OTOF: variants seen among roughly 807,000 people sequenced by gnomAD.
The protein encoded by OTOF is otoferlin.
A neutral mutation model predicts 236.8 loss-of-function variants in OTOF; 218 were observed. That is an observed-to-expected ratio of 0.92 (90% CI 0.82 to 1.03). The LOEUF (loss-of-function observed/expected upper bound fraction) is 1.03. Ranked by LOEUF, OTOF falls within the 50% of genes least tolerant of loss-of-function variation. OTOF has a pLI of 0.00. For synonymous variants in OTOF, 1,041 were observed against 1,072.5 expected (o/e 0.97, Z 0.57); for missense variants, 2,590 against 2,694.4 (o/e 0.96, Z 0.86).
At chr2:26,484,847 A>G (rs1665663719) in intron 11 of OTOF, among the ~76,000 whole-genome samples, 1 of 152,046 alleles carries the variant, frequency 6.6e-6, no homozygotes, top group South Asian at 2.1e-4. Flanking sequence ...CTGCCCATGG[A>G]CATATATCCC....
At chr2:26,509,227 C>G (rs1479101012) in intron 5 of OTOF, among the ~76,000 whole-genome samples, 1 of 152,198 alleles carries the variant, frequency 6.6e-6, no homozygotes, top group East Asian at 1.9e-4. Context: ...CCCTTTACAT[C>G]TAAGCATCTA....
At chr2:26,522,475 C>G (rs1666700373) in intron 3 of OTOF, among the ~76,000 whole-genome samples, 1 of 152,186 alleles carries the variant, frequency 6.6e-6, no homozygotes, top group South Asian at 2.1e-4. Context: ...GCCCCTGGCT[C>G]TGGCCCTTGT....
At chr2:26,552,256 G>T (rs1233325984) in intron 1 of OTOF, among the ~76,000 whole-genome samples, 1 of 152,126 alleles carries the variant, frequency 6.6e-6, no homozygotes, top group Non-Finnish European at 1.5e-5. Context: ...TGAGCATGGT[G>T]GTGCGTGCCT....
In OTOF at chr2:26,470,182, C is replaced by T. The variant is rs575490702; in HGVS notation, c.4023+411G>A. ...TCCACAAAGGTCACCTCCTCTGAGA[C>T]GCCTTCCCTGATTCCCCCAAGCCAT... On this transcript the variant is annotated intron_variant, in intron 32 of 46. Transcript: ENST00000272371. This position sits in a 1 kb window ranked among gnomAD's most constrained non-coding sequence, Gnocchi z 4.3. Among the ~76,000 whole-genome samples the T allele has an allele frequency of 2.0e-5, 3 of 152,292 alleles. No homozygotes were observed. Among genetic ancestry groups the T allele is most frequent in the South Asian group, 2.1e-4 (1 of 4,828 alleles).
intron 1 of OTOF, among the ~76,000 whole-genome samples, chr2:26,540,390 C>T (rs777030661): frequency 3.9e-5 from 6 of 152,186 alleles, no homozygotes; most frequent in Admixed American, 6.5e-5. Context: ...TACAGAAAAC[C>T]TGGGAGCCCG....
At chr2:26,514,995 C>T (rs753372721) in intron 5 of OTOF, among the ~76,000 whole-genome samples, 12 of 152,202 alleles carry the variant, frequency 7.9e-5, no homozygotes, top group Non-Finnish European at 1.5e-4. Flanking sequence ...ATTTCCAACC[C>T]GATTCCTGAC....
chr2:26,476,789 G>C, intron 22 of OTOF, 102 bp downstream of exon 22: 1 of 1,025,224 alleles, frequency 9.8e-7, no homozygotes, highest in Non-Finnish European at 1.5e-6. Context: ...AGCACCTGCT[G>C]CTTGAAGGCC....
At chr2:26,543,905 G>T (rs1185037296) in intron 1 of OTOF, among the ~76,000 whole-genome samples, 1 of 152,142 alleles carries the variant, frequency 6.6e-6, no homozygotes, top group Non-Finnish European at 1.5e-5. Flanking sequence ...TTTTTAGAGA[G>T]ACAGGGTTTC....
chr2:26,483,729 C>T (rs1665627939), intron 12 of OTOF, 81 bp from the exon 13 acceptor site: 2 of 1,277,488 alleles, frequency 1.6e-6, no homozygotes, highest in African/African-American at 1.5e-5. Context: ...ACTCCTGGGT[C>T]CTGGCACAGT....
In OTOF at chr2:26,463,505, T is replaced by G; in HGVS notation, c.5170A>C (p.Ile1724Leu). 1.2e-6 allele frequency: 2 copies of G among 1,607,518 alleles called. No homozygotes were observed. Among genetic ancestry groups the G allele is most frequent in the Non-Finnish European group, 1.7e-6 (2 of 1,177,336 alleles). ...DMPAPGTPLD[I>L]SPRKPKKYEL... ...CACTTCTTGGGCTTCCGAGGTGAGA[T>G]GTCCAGAGGCGTCCCAGGGGCTGGC... The change falls in exon 41 of 47, where the codon ATC becomes CTC. Residue 1724 changes from isoleucine (I) to leucine (L), a missense_variant. Transcript: ENST00000272371.
Position 26,513,801 on chromosome 2 carries a change from T to A in OTOF, c.509+2617A>T, listed in dbSNP as rs77176416. On this transcript the variant is annotated intron_variant, in intron 5 of 46. Coordinates refer to ENST00000272371, the MANE Select transcript of OTOF (RefSeq NM_194248.3). ...GGCACTGACACCCCTTCCCCGGTGTTGTCCTCTTTAAGGAGTAGGTGTTTT... is the reference window on the plus strand; with the variant it reads ...GGCACTGACACCCCTTCCCCGGTGTAGTCCTCTTTAAGGAGTAGGTGTTTT... Among the ~76,000 whole-genome samples the A allele has an allele frequency of 1.9e-3, 289 of 152,328 alleles. 8 individuals are homozygous for A. In the East Asian group the frequency reaches 0.046, roughly 24 times the overall value.
intron 11 of OTOF, among the ~76,000 whole-genome samples, 166 bp from the exon 12 acceptor site, chr2:26,484,799 T>C (rs1305475477): frequency 2.6e-5 from 4 of 151,874 alleles, no homozygotes; most frequent in Non-Finnish European, 5.9e-5. Flanking sequence ...TGTGATAGAG[T>C]CTGAGGTCCT....
At position 26,470,546 on chromosome 2, in the gene OTOF, C is replaced by A; in HGVS notation, c.4023+47G>T. The A allele has an allele frequency of 6.3e-7, 1 of 1,590,670 alleles. No homozygotes were observed. Among genetic ancestry groups the A allele is most frequent in the South Asian group, 1.1e-5 (1 of 90,592 alleles). On this transcript the variant is annotated intron_variant, in intron 32 of 46. Coordinates refer to ENST00000272371, the MANE Select transcript of OTOF (RefSeq NM_194248.3). The surrounding 1 kb of genome is among the most constrained non-coding windows in gnomAD (Gnocchi z 4.3). The stretch of plus-strand genomic sequence containing the variant: ...TGGGAAAGAAGCTGGACAGGAGGGT[C>A]TGAGTGTGGAGGGGGTCACCTCCCC...
At position 26,460,953 on chromosome 2, in the gene OTOF, C is replaced by G; in HGVS notation, c.5611G>C (p.Gly1871Arg). 6.2e-7 allele frequency: 1 copy of G among 1,613,946 alleles called. No individual in the cohort carries two copies. The highest frequency in any genetic ancestry group is 1.1e-5 in the South Asian group (1 of 91,078). The stretch of plus-strand genomic sequence containing the variant: ...GACACGAGGGGCACGTCCACCTCCC[C>G]GGTGGCCATCTCCATGGTGCACTGC... ...AKQCTMEMAT[G>R]EVDVPLVSIF... The change falls in exon 44 of 47, where the codon GGG (glycine) becomes CGG (arginine). Residue 1871 changes from glycine (G) to arginine (R), a missense_variant. Coordinates refer to ENST00000272371, the MANE Select transcript of OTOF (RefSeq NM_194248.3). This position sits in a 1 kb window ranked among gnomAD's most constrained non-coding sequence, Gnocchi z 5.3.
Position 26,465,808 on chromosome 2 carries a change from A to T in OTOF, c.4663T>A (p.Ser1555Thr). 2 of 1,614,198 alleles carry T rather than the reference A, an allele frequency of 1.2e-6. No homozygotes were observed. The highest frequency in any genetic ancestry group is 1.1e-5 in the South Asian group (1 of 91,084). ...TCATACACAGCCACCGTCAGCATGG[A>T]TTCCATGGGGAAGGAGGCCTCGATG... ...FDIEASFPMESMLTVAVYDWD... is the reference protein window; with the variant it reads ...FDIEASFPMETMLTVAVYDWD... The change falls in exon 38 of 47, where the codon TCC becomes ACC. Residue 1555 changes from serine (S) to threonine (T), a missense_variant. By Grantham distance (58) the Ser-to-Thr change is moderately conservative (BLOSUM62 1). Around this residue, in one of 2 missense-constraint regions of OTOF, gnomAD observed 1,211 missense variants for 1,352.8 expected, o/e 0.90. Coordinates refer to ENST00000272371, the MANE Select transcript of OTOF (RefSeq NM_194248.3).
At chr2:26,468,548 C>T in intron 32 of OTOF, 74 bp from the exon 33 acceptor site, 6 of 1,086,884 alleles carry the variant, frequency 5.5e-6, no homozygotes, top group Non-Finnish European at 8.6e-6. Context: ...AAATTGTGGG[C>T]CCAGACCAGT....
intron 11 of OTOF, among the ~76,000 whole-genome samples, chr2:26,487,119 A>G (rs1665718828): frequency 6.6e-6 from 1 of 152,196 alleles, no homozygotes; most frequent in African/African-American, 2.4e-5. Flanking sequence ...TGGTCCTGCC[A>G]GGGTGAGAAG....
chr2:26,515,302 C>T (rs551861280), intron 5 of OTOF, among the ~76,000 whole-genome samples: 11 of 152,316 alleles, frequency 7.2e-5, no homozygotes, highest in South Asian at 4.1e-4. Context: ...GCCCCATGCC[C>T]GTGGCTGGCC....
At chr2:26,492,931 G>A (rs1193482472) in intron 9 of OTOF, among the ~76,000 whole-genome samples, 3 of 152,176 alleles carry the variant, frequency 2.0e-5, no homozygotes, top group Non-Finnish European at 4.4e-5. Context: ...GAAAGAGGAA[G>A]TAATTTGAAT....
Sources: gnomAD v4.1 joint callset for allele counts (sites outside exome capture counted in the v4.1 genomes callset) on GRCh38, gnomAD v4.1.1 for gene constraint, gnomAD v4.1.1 regional missense constraint, Gnocchi (gnomAD v3.1) non-coding constraint, MANE v1.5 for transcripts, NCBI Gene and HGNC (gene_info 2026-07-23, HGNC 2026-07-21) for gene names.